The following MTCL2 variants were observed in gnomAD, a reference collection of about 807,000 sequenced individuals.
MTCL2 encodes the protein microtubule cross-linking factor 2.
At chr20:36,793,506 C>T in the MTCL2 span, 8 of 1,551,726 alleles carry the variant, frequency 5.2e-6, no homozygotes, top group East Asian at 2.4e-5. The surrounding 1 kb of genome is among the most constrained non-coding windows in gnomAD (Gnocchi z 6.8). Context: ...TGCACAATGC[C>T]GTACTTGGGA....
chr20:36,815,188 A>G, the MTCL2 span: 486 of 1,613,518 alleles, frequency 3.0e-4, 3 homozygotes, highest in South Asian at 5.0e-3. The surrounding 1 kb of genome is among the most constrained non-coding windows in gnomAD (Gnocchi z 5.3). Flanking sequence ...TGGGAGCCCA[A>G]GGGGGGCAGT....
the MTCL2 span, chr20:36,859,954 A>G: frequency 4.9e-6 from 6 of 1,225,464 alleles, no homozygotes; most frequent in East Asian, 1.9e-4. Context: ...CAGTTTTCCC[A>G]TCTGTGGAAT....
the MTCL2 span, among the ~76,000 whole-genome samples, chr20:36,795,043 A>T: frequency 6.6e-6 from 1 of 151,416 alleles, no homozygotes. Flanking sequence ...GGTTCAAGAG[A>T]TTCTCCTGTC....
At chr20:36,804,705 G>A in the MTCL2 span, 2 of 1,606,742 alleles carry the variant, frequency 1.2e-6, no homozygotes, top group Non-Finnish European at 1.7e-6. Context: ...GAGAGTAAGG[G>A]GAGAGGCGTC....
chr20:36,791,298 G>A, the MTCL2 span, among the ~76,000 whole-genome samples: 1 of 152,170 alleles, frequency 6.6e-6, no homozygotes, highest in East Asian at 1.9e-4. Flanking sequence ...CTCCCAAAGT[G>A]CTGGGATTAC....
the MTCL2 span, among the ~76,000 whole-genome samples, chr20:36,819,839 C>T: frequency 1.3e-5 from 2 of 152,066 alleles, no homozygotes; most frequent in South Asian, 2.1e-4. Flanking sequence ...ATATTTCAGA[C>T]GCTGGGTGCC....
At chr20:36,778,249 C>T in the MTCL2 span, 2,506 of 158,330 alleles carry the variant, frequency 0.016, 58 homozygotes, top group African/African-American at 0.057. Context: ...TGGTGTTTTC[C>T]ACCTGTTCTT....
At chr20:36,824,844 G>C in the MTCL2 span, among the ~76,000 whole-genome samples, 1 of 151,866 alleles carries the variant, frequency 6.6e-6, no homozygotes, top group African/African-American at 2.4e-5. Flanking sequence ...GTAGAGACAA[G>C]GGTCTCAATA....
chr20:36,849,961 G>A, the MTCL2 span, among the ~76,000 whole-genome samples: 11 of 152,134 alleles, frequency 7.2e-5, no homozygotes, highest in Non-Finnish European at 1.6e-4. Context: ...AGAGAACCAA[G>A]GGGACATGAG....
the MTCL2 span, among the ~76,000 whole-genome samples, chr20:36,826,326 TCCCCCTCCCCCTCTCCCTCCCCCTC>T: frequency 7.5e-4 from 1 of 1,330 alleles, no homozygotes; most frequent in Non-Finnish European, 1.2e-3. Flanking sequence ...CCCCTCTCCC[TCCCCCTCCCCCTCTCCCTCCCCCTC>T]CCCCCTCCCC....
chr20:36,817,387 C>T, the MTCL2 span: 51 of 1,563,932 alleles, frequency 3.3e-5, no homozygotes, highest in South Asian at 1.9e-4. Context: ...AACCTTCCTA[C>T]GGGGGCTGCT....
At chr20:36,800,243 G>A in the MTCL2 span, among the ~76,000 whole-genome samples, 1 of 152,240 alleles carries the variant, frequency 6.6e-6, no homozygotes, top group East Asian at 1.9e-4. Context: ...GTTCCCCAGG[G>A]ATGACATGAA....
chr20:36,782,020 TAG>T, the MTCL2 span: 1 of 152,072 alleles, frequency 6.6e-6, no homozygotes, highest in African/African-American at 2.4e-5. Flanking sequence ...GCATTTTTAG[TAG>T]AGACAGGGTT....
chr20:36,818,001 G>A, the MTCL2 span, among the ~76,000 whole-genome samples: 1 of 152,184 alleles, frequency 6.6e-6, no homozygotes, highest in Non-Finnish European at 1.5e-5. Context: ...CCAAGGGCAG[G>A]TGCTATCCGT....
the MTCL2 span, among the ~76,000 whole-genome samples, chr20:36,813,870 G>A: frequency 1.3e-5 from 2 of 149,618 alleles, no homozygotes; most frequent in South Asian, 2.2e-4. Context: ...CAAACCTCCC[G>A]CATGCTCAGT....
chr20:36,817,371 G>C, the MTCL2 span: 2 of 1,547,336 alleles, frequency 1.3e-6, no homozygotes, highest in Non-Finnish European at 1.7e-6. Context: ...CAGGTCTTCA[G>C]AATAAAACCT....
chr20:36,778,942 C>G, the MTCL2 span: 1 of 152,232 alleles, frequency 6.6e-6, no homozygotes, highest in Admixed American at 6.5e-5. Context: ...CTGACTGCCT[C>G]AGCCCTTCAA....
the MTCL2 span, among the ~76,000 whole-genome samples, chr20:36,807,775 T>G: frequency 6.6e-6 from 1 of 151,114 alleles, no homozygotes; most frequent in African/African-American, 2.4e-5. Flanking sequence ...CTCATGCCTG[T>G]AATCCCAGCA....
the MTCL2 span, among the ~76,000 whole-genome samples, chr20:36,853,624 G>A: frequency 6.6e-6 from 1 of 151,994 alleles, no homozygotes; most frequent in Admixed American, 6.6e-5. Flanking sequence ...GGTCTACGCA[G>A]CCAGTCAGGA....
Sources: allele counts gnomAD v4.1 joint callset (sites outside exome capture counted in the v4.1 genomes callset), GRCh38; gene constraint gnomAD v4.1.1; non-coding constraint Gnocchi (gnomAD v3.1); transcripts MANE v1.5; gene names NCBI Gene and HGNC (gene_info 2026-07-23, HGNC 2026-07-21).